The following TCF4 variants were observed in gnomAD, a reference collection of about 807,000 sequenced individuals.
TCF4 encodes SL3-3 enhancer factor 2.
In TCF4, 3 loss-of-function variants were observed where a neutral mutation model predicts 82.1. The ratio of observed to expected loss-of-function variants is 0.04; its 90% CI spans 0.02 to 0.09. The LOEUF (loss-of-function observed/expected upper bound fraction) is 0.09, where lower values mean the gene tolerates loss of function less well. Among genes scored for constraint, TCF4 ranks in the 10% least tolerant of loss-of-function variants. The probability of loss-of-function intolerance (pLI) is 1.00; values close to 1 mark genes in which losing one functional copy is unlikely to be tolerated. For synonymous variants in TCF4, 276 were observed against 309.6 expected (o/e 0.89, Z 1.14); for missense variants, 518 against 852.7 (o/e 0.61, Z 4.89).
At chr18:55,319,941 A>G (rs1351358156) in intron 8 of TCF4, among the ~76,000 whole-genome samples, 1 of 152,234 alleles carries the variant, frequency 6.6e-6, no homozygotes, top group Admixed American at 6.5e-5. Flanking sequence ...CCTGAAAGAT[A>G]AAAACCATGG....
rs2046720915 is a variant in TCF4, at chr18:55,227,286, T to C, written c.*749A>G. On this transcript the variant is annotated 3_prime_UTR_variant, in exon 20 of 20. Coordinates refer to ENST00000354452, the MANE Select transcript of TCF4 (RefSeq NM_001083962.2). ...ATCCATATTTACAGTAAAATCTTTC[T>C]TTTAAAAAAGTTAATCAGTACTATT... 6.6e-6 allele frequency: 1 copy of C among 151,640 alleles called. No homozygotes were observed. Among genetic ancestry groups the C allele is most frequent in the Admixed American group, 6.6e-5 (1 of 15,208 alleles). 9.4% of individuals were successfully genotyped at this position (151,640 alleles called of 1,614,324 possible). A position where few individuals can be genotyped will look rare whatever the true frequency, so the allele number is the denominator to read the frequency against.
intron 6 of TCF4, among the ~76,000 whole-genome samples, chr18:55,403,100 C>T (rs1184762254): frequency 2.0e-5 from 3 of 152,082 alleles, no homozygotes; most frequent in Admixed American, 6.5e-5. Flanking sequence ...CACATGACTC[C>T]GCGAAGTATT....
intron 8 of TCF4, among the ~76,000 whole-genome samples, chr18:55,292,864 A>C (rs1454062462): frequency 6.6e-6 from 1 of 152,144 alleles, no homozygotes; most frequent in Admixed American, 6.6e-5. Flanking sequence ...CATTATTTAC[A>C]CACATTATAC....
chr18:55,570,311 C>A (rs1217055117), intron 3 of TCF4, among the ~76,000 whole-genome samples: 1 of 152,100 alleles, frequency 6.6e-6, no homozygotes, highest in Non-Finnish European at 1.5e-5. Flanking sequence ...GCTTTTCCAA[C>A]CCTTCAAAAT....
At chr18:55,343,023 ACTTAGGTATTCTTT>A (rs1393881852) in intron 8 of TCF4, among the ~76,000 whole-genome samples, 1 of 152,164 alleles carries the variant, frequency 6.6e-6, no homozygotes, top group Non-Finnish European at 1.5e-5. Flanking sequence ...TCCTGTAGAC[ACTTAGGTATTCTTT>A]CTCAGATGCC....
intron 3 of TCF4, among the ~76,000 whole-genome samples, chr18:55,536,342 G>A (rs1384616481): frequency 1.3e-5 from 2 of 152,130 alleles, no homozygotes; most frequent in Non-Finnish European, 2.9e-5. Context: ...TTTAACAACA[G>A]TAAGGGTGGG....
chr18:55,436,181 C>A (rs1292283003), intron 5 of TCF4, among the ~76,000 whole-genome samples: 2 of 152,094 alleles, frequency 1.3e-5, no homozygotes, highest in Non-Finnish European at 2.9e-5. Context: ...ATTCTTGAAC[C>A]ATTAATAGTG....
In TCF4 at chr18:55,354,389, C is replaced by G. The variant is rs142646926; in HGVS notation, c.370-3386G>C. Among the ~76,000 whole-genome samples, 75 of 152,280 alleles carry G rather than the reference C, an allele frequency of 4.9e-4. No individual in the cohort carries two copies. The East Asian group carries it at 0.013, about 27-fold the overall frequency. ...ACATCAGATATAGGTCTCAGAATGT[C>G]TTTCGAACACATTCTCAACCCTGCC... is the stretch of plus-strand genomic sequence containing the variant. On this transcript the variant is annotated intron_variant, in intron 6 of 19. Coordinates refer to ENST00000354452, the MANE Select transcript of TCF4 (RefSeq NM_001083962.2).
chr18:55,610,920 C>T (rs1426705052), intron 2 of TCF4, among the ~76,000 whole-genome samples: 1 of 152,168 alleles, frequency 6.6e-6, no homozygotes, highest in East Asian at 1.9e-4. Context: ...TACTGATGCC[C>T]CTTCTTTTCT....
chr18:55,634,558 A>C (rs2097734433), intron 1 of TCF4, among the ~76,000 whole-genome samples: 1 of 152,142 alleles, frequency 6.6e-6, no homozygotes, highest in Admixed American at 6.5e-5. Flanking sequence ...GAATAGGTGC[A>C]AGCATGGTCA....
At position 55,549,984 on chromosome 18, in the gene TCF4, G is replaced by A. The variant is rs17089893; in HGVS notation, c.145+35296C>T. 2.9e-3 allele frequency among the ~76,000 whole-genome samples: 444 copies of A among 152,150 alleles called. 2 individuals are homozygous for A. Among genetic ancestry groups the A allele is most frequent in the African/African-American group, 0.01 (419 of 41,500 alleles). ...TGCCCTTGCCTAGCATGACCAATAC[G>A]GTAACTGTGGATATATCTCCTGGAT... On this transcript the variant is annotated intron_variant, in intron 3 of 19. Coordinates refer to ENST00000354452, the MANE Select transcript of TCF4 (RefSeq NM_001083962.2).
chr18:55,235,254 G>A (rs887071241), intron 15 of TCF4, among the ~76,000 whole-genome samples: 1 of 151,868 alleles, frequency 6.6e-6, no homozygotes, highest in Non-Finnish European at 1.5e-5. Context: ...TTCCAAAACT[G>A]GCAGCCCATT....
chr18:55,319,623 C>G (rs1468178697), intron 8 of TCF4, among the ~76,000 whole-genome samples: 1 of 151,814 alleles, frequency 6.6e-6, no homozygotes, highest in Non-Finnish European at 1.5e-5. Flanking sequence ...TAAAACAGTT[C>G]CTATAAATAC....
At chr18:55,419,045 A>C (rs1294532713) in intron 5 of TCF4, among the ~76,000 whole-genome samples, 3 of 152,312 alleles carry the variant, frequency 2.0e-5, no homozygotes, top group South Asian at 4.1e-4. Flanking sequence ...TACTAATTAA[A>C]ATGTCCAGAT....
At chr18:55,385,771 CCTT>C (rs1304074891) in intron 6 of TCF4, among the ~76,000 whole-genome samples, 1 of 152,192 alleles carries the variant, frequency 6.6e-6, no homozygotes. Context: ...GGATTAGAGT[CCTT>C]CATCTTTTGC....
rs564154595 is a variant in TCF4, at chr18:55,459,782, C to T, written c.304+1237G>A. Among the ~76,000 whole-genome samples, 16 of 152,118 alleles carry T rather than the reference C, an allele frequency of 1.1e-4. No homozygotes were observed. In the East Asian group the frequency reaches 1.9e-3, roughly 18 times the overall value. Reference sequence around the variant, plus strand: ...TCCTGCTTGAGTTACAATGTTAAAACGTAAATATGAAATTTACTACTTTGA... The same window carrying T: ...TCCTGCTTGAGTTACAATGTTAAAATGTAAATATGAAATTTACTACTTTGA... On this transcript the variant is annotated intron_variant, in intron 5 of 19. Transcript: ENST00000354452.
intron 3 of TCF4, among the ~76,000 whole-genome samples, chr18:55,466,379 C>G (rs2096018946): frequency 6.6e-6 from 1 of 152,040 alleles, no homozygotes; most frequent in Non-Finnish European, 1.5e-5. Flanking sequence ...GCCTGTAGTC[C>G]TAGCTAATTG....
At chr18:55,434,473 G>A (rs1316018368) in intron 5 of TCF4, among the ~76,000 whole-genome samples, 1 of 140,120 alleles carries the variant, frequency 7.1e-6, no homozygotes, top group Non-Finnish European at 1.5e-5. Context: ...AGGCTAGAGT[G>A]CAGTGGCGCG....
chr18:55,572,156 C>T (rs1241888299), intron 3 of TCF4, among the ~76,000 whole-genome samples: 1 of 152,090 alleles, frequency 6.6e-6, no homozygotes, highest in Non-Finnish European at 1.5e-5. Flanking sequence ...GTTTGAAGGA[C>T]ACAAAGAGCT....
Sources: gnomAD v4.1 joint callset for allele counts (sites outside exome capture counted in the v4.1 genomes callset) on GRCh38, gnomAD v4.1.1 for gene constraint, MANE v1.5 for transcripts, NCBI Gene and HGNC (gene_info 2026-07-23, HGNC 2026-07-21) for gene names.